ELFN1: variants seen among roughly 807,000 people sequenced by gnomAD.
ELFN1 encodes the protein protein ELFN1.
Under a neutral mutation model 7.6 loss-of-function variants are expected in ELFN1, and 6 were observed. That is an observed-to-expected ratio of 0.79 (90% confidence interval 0.43 to 1.56). The LOEUF (loss-of-function observed/expected upper bound fraction) is 1.56. ELFN1 is among the 40% of genes most tolerant of loss of function. The probability of loss-of-function intolerance (pLI) is 0.01; values close to 1 mark genes in which losing one functional copy is unlikely to be tolerated. For synonymous variants in ELFN1, 657 were observed against 588.1 expected (o/e 1.12, Z -1.70); for missense variants, 1,169 against 1,232.2 (o/e 0.95, Z 0.77).
upstream of ELFN1, among the ~76,000 whole-genome samples, chr7:1,669,798 T>A (rs983886519): frequency 8.5e-5 from 13 of 152,110 alleles, no homozygotes; most frequent in African/African-American, 3.1e-4. Context: ...TGAGAACGCC[T>A]TGGCTTTGCT....
At chr7:1,696,293 A>C (rs1317428304) in intron 2 of ELFN1, among the ~76,000 whole-genome samples, 1 of 149,774 alleles carries the variant, frequency 6.7e-6, no homozygotes, top group Admixed American at 6.6e-5. Context: ...AGAGAGAGAG[A>C]GAGGGAGAGA....
In ELFN1 at chr7:1,740,255, GC is replaced by G. The variant is rs1780570442; in HGVS notation, c.-293-4046del. On this transcript the variant is annotated intron_variant, in intron 3 of 3. Coordinates refer to ENST00000424383, the MANE Select transcript of ELFN1 (RefSeq NM_001128636.4). This position sits in a 1 kb window ranked among gnomAD's most constrained non-coding sequence, Gnocchi z 5.0. ...AGCTCCTTTCAGGCAGTGGGGAGCC[GC>G]CCTCCTGAGGGATGCCTATTGCCCT... 6.6e-6 allele frequency among the ~76,000 whole-genome samples: 1 copy of G among 152,188 alleles called. No individual in the cohort carries two copies. Among genetic ancestry groups the G allele is most frequent in the Non-Finnish European group, 1.5e-5 (1 of 68,036 alleles).
intron 2 of ELFN1, among the ~76,000 whole-genome samples, chr7:1,696,609 C>T (rs1039330299): frequency 2.6e-5 from 4 of 152,088 alleles, no homozygotes; most frequent in Admixed American, 6.5e-5. Context: ...CGCTATGTTG[C>T]CCAGGCTAGT....
intron 3 of ELFN1, among the ~76,000 whole-genome samples, chr7:1,733,028 G>A (rs1299205946): frequency 1.3e-5 from 2 of 152,114 alleles, no homozygotes; most frequent in African/African-American, 4.8e-5. Context: ...AGCCTTCCGA[G>A]TAGCTGGGAT....
At chr7:1,685,986 T>C (rs1164664271) in intron 1 of ELFN1, among the ~76,000 whole-genome samples, 1 of 147,966 alleles carries the variant, frequency 6.8e-6, no homozygotes, top group Non-Finnish European at 1.5e-5. Context: ...TAAATATATA[T>C]TTATATTATA....
chr7:1,742,720 T>G (rs1020400779), intron 3 of ELFN1, among the ~76,000 whole-genome samples: 2 of 152,228 alleles, frequency 1.3e-5, no homozygotes, highest in African/African-American at 4.8e-5. Flanking sequence ...CGAGGCCCGC[T>G]AGGACCTCGT....
At position 1,746,810 on chromosome 7, in the gene ELFN1, G is replaced by T. The variant is rs1449826109; in HGVS notation, c.2214G>T (p.Glu738Asp). 1 of 1,534,400 alleles carries T rather than the reference G, an allele frequency of 6.5e-7. No individual in the cohort carries two copies. The highest frequency in any genetic ancestry group is 8.8e-7 in the Non-Finnish European group (1 of 1,141,976). ...TGGGGCGCAAGGCGTCCATCCTGGA[G>T]CCACTCACCCGGCCGCGGCCCCGCG... is the stretch of plus-strand genomic sequence containing the variant. ...EGLGRKASIL[E>D]PLTRPRPRDL... Residue 738 changes from glutamate to aspartate, a missense_variant, in exon 4 of 4, where the codon GAG becomes GAT. By Grantham distance (45) the Glu-to-Asp change is conservative. Transcript: ENST00000424383.
At position 1,746,506 on chromosome 7, in the gene ELFN1, G is replaced by T. The variant is rs892338116; in HGVS notation, c.1910G>T (p.Arg637Leu). ...HHSVEAAGPP[R>L]ASTSSSGSVR... ...AGCGTGGAGGCCGCCGGGCCCCCTC[G>T]TGCCAGCACCTCGTCCAGCGGCTCC... Residue 637 changes from arginine (R) to leucine (L), a missense_variant, in exon 4 of 4, where the codon CGT becomes CTT. Arg to Leu is a moderately radical substitution (Grantham distance 102, BLOSUM62 -2). This residue lies in a region of ELFN1 where 914 missense variants were observed against 872.6 expected (regional missense o/e 1.05). Coordinates refer to ENST00000424383, the MANE Select transcript of ELFN1 (RefSeq NM_001128636.4). The T allele has an allele frequency of 2.7e-6, 4 of 1,482,704 alleles. No homozygotes were observed. The highest frequency in any genetic ancestry group is 3.6e-6 in the Non-Finnish European group (4 of 1,125,912). The allele number at this position is 1,482,704 out of a possible 1,614,324, so 91.8% of individuals were successfully genotyped here.
chr7:1,676,164 T>G (rs1778865930), intron 1 of ELFN1, among the ~76,000 whole-genome samples: 1 of 152,158 alleles, frequency 6.6e-6, no homozygotes, highest in Non-Finnish European at 1.5e-5. Context: ...GTGCTGGTAG[T>G]GGCTCCAGGG....
chr7:1,732,735 G>A (rs1350631059), intron 3 of ELFN1, among the ~76,000 whole-genome samples: 3 of 152,050 alleles, frequency 2.0e-5, no homozygotes, highest in East Asian at 3.9e-4. Context: ...TATGCCCCAC[G>A]GAGCTGATGA....
chr7:1,719,248 C>T (rs1227421244), intron 3 of ELFN1, among the ~76,000 whole-genome samples: 16 of 146,256 alleles, frequency 1.1e-4, no homozygotes, highest in Admixed American at 8.0e-4. Context: ...AACAGGGCCC[C>T]GCCCACCAAC....
In ELFN1 at chr7:1,744,812, C is replaced by T; in HGVS notation, c.216C>T (p.Ile72=). Reference sequence around the variant, plus strand: ...ACCTGCGGCTCAACGAGAACCGTATCCGCAGCGTGCAGTACGCCTCGCTCA... The same window carrying T: ...ACCTGCGGCTCAACGAGAACCGTATTCGCAGCGTGCAGTACGCCTCGCTCA... ...IVDLRLNENR[I]RSVQYASLSR... The change falls in exon 4 of 4, where the codon ATC becomes ATT. Residue 72 remains isoleucine (I), a synonymous_variant. Transcript: ENST00000424383. 1.3e-6 allele frequency: 2 copies of T among 1,563,978 alleles called. No homozygotes were observed. Among genetic ancestry groups the T allele is most frequent in the Non-Finnish European group, 1.7e-6 (2 of 1,153,510 alleles).
chr7:1,667,076 TC>T (rs1458234318), upstream of ELFN1, among the ~76,000 whole-genome samples: 1 of 151,220 alleles, frequency 6.6e-6, no homozygotes, highest in Admixed American at 6.6e-5. The surrounding 1 kb of genome is among the most constrained non-coding windows in gnomAD (Gnocchi z 8.2). Flanking sequence ...CGCTCTTCCC[TC>T]CCTGCCGCCT....
chr7:1,668,586 A>T (rs1267663741), upstream of ELFN1, among the ~76,000 whole-genome samples: 1 of 152,208 alleles, frequency 6.6e-6, no homozygotes, highest in Non-Finnish European at 1.5e-5. Context: ...GTGACCAAGG[A>T]AGCTCTGGGG....
At chr7:1,720,291 G>T (rs889980172) in intron 3 of ELFN1, among the ~76,000 whole-genome samples, 2 of 152,180 alleles carry the variant, frequency 1.3e-5, no homozygotes, top group Non-Finnish European at 2.9e-5. Context: ...GGGAACAGCC[G>T]GTGGGCAGAC....
chr7:1,702,241 G>A (rs1779442456), intron 2 of ELFN1, among the ~76,000 whole-genome samples: 1 of 152,040 alleles, frequency 6.6e-6, no homozygotes, highest in Non-Finnish European at 1.5e-5. Flanking sequence ...TGGCTAACAC[G>A]GTGAAACTCC....
At chr7:1,696,882 C>T (rs1158902051) in intron 2 of ELFN1, among the ~76,000 whole-genome samples, 1 of 152,200 alleles carries the variant, frequency 6.6e-6, no homozygotes, top group Non-Finnish European at 1.5e-5. Context: ...AGCTGAGGGT[C>T]CGGTGGGATG....
intron 1 of ELFN1, among the ~76,000 whole-genome samples, chr7:1,678,476 G>A (rs1008142382): frequency 6.6e-6 from 1 of 152,206 alleles, no homozygotes; most frequent in South Asian, 2.1e-4. Flanking sequence ...CCAGAAGGCC[G>A]AGGCATGGAG....
At position 1,670,688 on chromosome 7, in the gene ELFN1, C is replaced by T. The variant is rs140021617; in HGVS notation, c.-549+334C>T. ...CCTCTCTCCCTTCCGTCCCCCTTCG[C>T]CGTCCGCACCCTGCCCGGCGCCCCC... On this transcript the variant is annotated intron_variant, in intron 1 of 3. Coordinates refer to ENST00000424383, the MANE Select transcript of ELFN1 (RefSeq NM_001128636.4). This position sits in a 1 kb window ranked among gnomAD's most constrained non-coding sequence, Gnocchi z 6.4. 0.022 allele frequency among the ~76,000 whole-genome samples: 3,425 copies of T among 152,286 alleles called. 64 individuals are homozygous for T. Among genetic ancestry groups the T allele is most frequent in the Non-Finnish European group, 0.033 (2,266 of 68,006 alleles).
Sources: gnomAD v4.1 joint callset for allele counts (sites outside exome capture counted in the v4.1 genomes callset) on GRCh38, gnomAD v4.1.1 for gene constraint, gnomAD v4.1.1 regional missense constraint, Gnocchi (gnomAD v3.1) non-coding constraint, MANE v1.5 for transcripts, NCBI Gene and HGNC (gene_info 2026-07-23, HGNC 2026-07-21) for gene names.